DOCK8: variants seen among roughly 807,000 people sequenced by gnomAD.
DOCK8 encodes dedicator of cytokinesis 8, also known as dedicator of cytokinesis protein 8.
Under a neutral mutation model 245.6 loss-of-function variants are expected in DOCK8, and 141 were observed. The ratio of observed to expected loss-of-function variants is 0.57; its 90% CI spans 0.50 to 0.66. The LOEUF is 0.66. DOCK8 is among the 30% of genes least tolerant of loss of function. DOCK8 has a pLI of 0.00. For synonymous variants in DOCK8, 1,168 were observed against 970.2 expected (o/e 1.20, Z -3.79); for missense variants, 2,965 against 2,603.4 (o/e 1.14, Z -3.02).
chr9:432,109 T>TC, intron 36 of DOCK8, 57 bp from the exon 37 acceptor site: 2 of 1,588,538 alleles, frequency 1.3e-6, no homozygotes, highest in Admixed American at 3.4e-5. Context: ...CTTTCAGTTA[T>TC]CTACTGCTAA....
intron 4 of DOCK8, among the ~76,000 whole-genome samples, chr9:298,016 C>G (rs1031218189): frequency 6.6e-6 from 1 of 152,156 alleles, no homozygotes; most frequent in East Asian, 1.9e-4. Context: ...CCCACAAACA[C>G]TCTAACAAAA....
intron 1 of DOCK8, among the ~76,000 whole-genome samples, chr9:264,623 G>C (rs1359955931): frequency 2.0e-5 from 3 of 152,224 alleles, no homozygotes; most frequent in Non-Finnish European, 4.4e-5. Flanking sequence ...ATGTATATGA[G>C]TGTATGGAGA....
chr9:307,427 C>A (rs1045508368), intron 5 of DOCK8, among the ~76,000 whole-genome samples: 1 of 137,298 alleles, frequency 7.3e-6, no homozygotes. Flanking sequence ...GGCATGATCT[C>A]GGCTCACTAC....
At chr9:336,743 C>G (rs1563936155) in intron 12 of DOCK8, 25 bp downstream of exon 12, 1 of 1,613,686 alleles carries the variant, frequency 6.2e-7, no homozygotes, top group South Asian at 1.1e-5. Flanking sequence ...TACAGTGTGT[C>G]TGGATTTTTC....
intron 46 of DOCK8, among the ~76,000 whole-genome samples, chr9:461,224 A>T (rs2057794255): frequency 6.6e-6 from 1 of 152,170 alleles, no homozygotes; most frequent in Non-Finnish European, 1.5e-5. Context: ...AGAAGACTGG[A>T]TATAGCTCTG....
intron 33 of DOCK8, 131 bp downstream of exon 33, chr9:422,266 A>G: frequency 1.2e-6 from 1 of 816,540 alleles, no homozygotes; most frequent in East Asian, 2.7e-5. Context: ...CTGTGTAAAT[A>G]CAATTCATCC....
At chr9:237,352 A>C (rs1185205549) in intron 1 of DOCK8, among the ~76,000 whole-genome samples, 2 of 152,224 alleles carry the variant, frequency 1.3e-5, no homozygotes, top group East Asian at 3.8e-4. Flanking sequence ...AGGCCATTTA[A>C]AATCTAATTG....
At chr9:378,543 T>C (rs1358229794) in intron 20 of DOCK8, among the ~76,000 whole-genome samples, 1 of 152,256 alleles carries the variant, frequency 6.6e-6, no homozygotes. Flanking sequence ...TTTTCATCCA[T>C]GTAGCAGTTG....
intron 5 of DOCK8, among the ~76,000 whole-genome samples, chr9:307,414 A>G (rs1243609546): frequency 3.1e-5 from 4 of 129,196 alleles, no homozygotes; most frequent in Non-Finnish European, 6.1e-5. Flanking sequence ...GCTGGAGTGC[A>G]ATGGCATGAT....
intron 14 of DOCK8, among the ~76,000 whole-genome samples, chr9:353,947 A>T (rs1037491243): frequency 6.6e-6 from 1 of 152,190 alleles, no homozygotes; most frequent in Non-Finnish European, 1.5e-5. Context: ...CACTGGAACC[A>T]AGGAAAAATT....
rs573942341 is a variant in DOCK8, at chr9:376,186, CT to C, written c.2110-14del. On this transcript the variant is annotated intron_variant, in intron 18 of 47. Transcript: ENST00000432829. ...CAGAAAAGGGAATTGGATTGCTAAT[CT>C]TTTTTTTTTCTCTTTAACACAGAAA... is the stretch of plus-strand genomic sequence containing the variant. The C allele has an allele frequency of 9.0e-4, 1,225 of 1,365,366 alleles. 1 individual carries two copies. Among genetic ancestry groups the C allele is most frequent in the Non-Finnish European group, 1.0e-3 (1,014 of 973,358 alleles). 84.6% of individuals were successfully genotyped at this position (1,365,366 alleles called of 1,614,324 possible).
intron 45 of DOCK8, 105 bp from the exon 46 acceptor site, chr9:451,888 TATATGCATATACATATAC>T (rs1275195314): frequency 4.0e-4 from 90 of 227,354 alleles, no homozygotes; most frequent in East Asian, 8.1e-4. Context: ...TATATACATA[TATATGCATATACATATAC>T]ATATGCATAT....
chr9:330,840 G>A (rs575663101), intron 9 of DOCK8, among the ~76,000 whole-genome samples: 16 of 152,294 alleles, frequency 1.1e-4, no homozygotes, highest in African/African-American at 3.6e-4. Context: ...ACAAACAATA[G>A]GTTCTCATGT....
chr9:326,143 C>T (rs1376320177), intron 8 of DOCK8, among the ~76,000 whole-genome samples: 2 of 152,168 alleles, frequency 1.3e-5, no homozygotes, highest in Non-Finnish European at 2.9e-5. Flanking sequence ...CTCAATTTGT[C>T]ACAGAGTTCA....
At chr9:411,603 A>G (rs73382654) in intron 28 of DOCK8, among the ~76,000 whole-genome samples, 235 of 152,230 alleles carry the variant, frequency 1.5e-3, no homozygotes, top group African/African-American at 5.3e-3. Context: ...TGTTCTATGA[A>G]GCTAGCATTA....
intron 23 of DOCK8, among the ~76,000 whole-genome samples, chr9:389,212 C>T (rs1269236877): frequency 6.6e-6 from 1 of 152,156 alleles, no homozygotes. Context: ...GATTGATTGC[C>T]CTACCTTTAG....
intron 1 of DOCK8, among the ~76,000 whole-genome samples, chr9:240,242 A>G (rs1317011164): frequency 6.6e-6 from 1 of 152,206 alleles, no homozygotes; most frequent in Non-Finnish European, 1.5e-5. Flanking sequence ...GGCAAGGTCA[A>G]TCTTTTATAC....
chr9:443,344 C>A, intron 42 of DOCK8, 83 bp from the exon 43 acceptor site: 1 of 1,367,014 alleles, frequency 7.3e-7, no homozygotes, highest in South Asian at 1.2e-5. Context: ...TGCACTTGCT[C>A]CAAACTTATT....
intron 14 of DOCK8, among the ~76,000 whole-genome samples, chr9:361,123 C>T (rs568358929): frequency 1.3e-5 from 2 of 152,144 alleles, no homozygotes; most frequent in East Asian, 3.9e-4. Flanking sequence ...GCTGTGATCA[C>T]GCCACAGCAC....
Sources: gnomAD v4.1 joint callset for allele counts (sites outside exome capture counted in the v4.1 genomes callset) on GRCh38, gnomAD v4.1.1 for gene constraint, MANE v1.5 for transcripts, NCBI Gene and HGNC (gene_info 2026-07-23, HGNC 2026-07-21) for gene names.